The following DYNC2I1 variants were observed in gnomAD, a reference collection of about 807,000 sequenced individuals.
DYNC2I1 encodes the protein dynein 2 intermediate chain 1.
Under a neutral mutation model 133.4 loss-of-function variants are expected in DYNC2I1, and 89 were observed. The observed-to-expected ratio is 0.67, with a 90% CI of 0.56 to 0.80. The LOEUF is 0.80. Ranked by LOEUF, DYNC2I1 falls within the 30% of genes least tolerant of loss-of-function variation. The pLI is 0.00. For synonymous variants in DYNC2I1, 504 were observed against 484.3 expected, an observed-to-expected ratio of 1.04 and a Z score of -0.54; for missense variants, 1,291 against 1,314.5, an observed-to-expected ratio of 0.98 and a Z score of 0.28.
At chr7:158,898,478 T>C (rs1845940774) in intron 8 of DYNC2I1, among the ~76,000 whole-genome samples, 1 of 152,256 alleles carries the variant, frequency 6.6e-6, no homozygotes, top group African/African-American at 2.4e-5. Flanking sequence ...TTTATCATTG[T>C]GTAATGCCCT....
At chr7:158,912,721 C>T (rs1847609762) in intron 12 of DYNC2I1, among the ~76,000 whole-genome samples, 1 of 152,134 alleles carries the variant, frequency 6.6e-6, no homozygotes. Context: ...CCAGCATGTC[C>T]TAAGAAAATA....
rs183302365 is a variant in DYNC2I1, at chr7:158,879,531, A to G, written c.574-153A>G. On this transcript the variant is annotated intron_variant, in intron 4 of 24. Transcript: ENST00000407559. ...GTTTAGGGTGTAATGACAAGGAAAA[A>G]GTCTGTACATGTTTACTACAGACAC... Among the ~76,000 whole-genome samples the G allele has an allele frequency of 3.3e-5, 5 of 152,296 alleles. No individual in the cohort carries two copies. In the East Asian group the frequency reaches 7.7e-4, roughly 24 times the overall value.
chr7:158,940,115 G>T (rs1400795721), intron 23 of DYNC2I1, among the ~76,000 whole-genome samples: 1 of 152,192 alleles, frequency 6.6e-6, no homozygotes, highest in Non-Finnish European at 1.5e-5. Flanking sequence ...AGAAGCATCA[G>T]AGTTAAACTA....
chr7:158,941,632 A>G (rs539801496), intron 23 of DYNC2I1, among the ~76,000 whole-genome samples: 58 of 152,368 alleles, frequency 3.8e-4, no homozygotes, highest in African/African-American at 1.4e-3. Context: ...CTGTACTCCC[A>G]GCACTTTGGG....
upstream of DYNC2I1, among the ~76,000 whole-genome samples, chr7:158,851,932 T>A (rs1199315390): frequency 6.6e-6 from 1 of 152,204 alleles, no homozygotes; most frequent in African/African-American, 2.4e-5. Flanking sequence ...AAATTATTAA[T>A]GTTATTTATC....
chr7:158,951,400 G>A (rs1852048129), intron 4 of DYNC2I1, among the ~76,000 whole-genome samples: 1 of 152,266 alleles, frequency 6.6e-6, no homozygotes, highest in Non-Finnish European at 1.5e-5. Flanking sequence ...ACAAGTGGGA[G>A]TGAAGCAAAG....
upstream of DYNC2I1, among the ~76,000 whole-genome samples, chr7:158,852,695 C>T (rs1021788456): frequency 6.6e-6 from 1 of 152,076 alleles, no homozygotes; most frequent in Non-Finnish European, 1.5e-5. Context: ...GCTGAGATCG[C>T]GCCATTGCAT....
chr7:158,879,817 A>G lies in DYNC2I1; in HGVS notation c.707A>G (p.Lys236Arg). The G allele has an allele frequency of 1.9e-6, 3 of 1,613,278 alleles. No individual in the cohort carries two copies. The East Asian group carries it at 6.7e-5, about 36-fold the overall frequency. ...KHREKSSTREKREKYSKEKSN... is the reference protein window; with the variant it reads ...KHREKSSTRERREKYSKEKSN... ...CGAGAAAAAAGCAGCACAAGGGAAA[A>G]AAGAGAGAAATATTCCAAAGAGAAA... The change falls in exon 5 of 25, where the codon AAA (lysine) becomes AGA (arginine). Residue 236 changes from lysine (K) to arginine (R), a missense_variant. By Grantham distance (26) the Lys-to-Arg change is conservative. Coordinates refer to ENST00000407559, the MANE Select transcript of DYNC2I1 (RefSeq NM_018051.5).
intron 2 of DYNC2I1, among the ~76,000 whole-genome samples, chr7:158,870,882 GATCAGT>G (rs1563084438): frequency 6.6e-6 from 1 of 152,068 alleles, no homozygotes. Context: ...TTGATTTGCC[GATCAGT>G]GTGAATGTCC....
At chr7:158,899,950 TC>T (rs1363851083) in intron 8 of DYNC2I1, among the ~76,000 whole-genome samples, 1 of 152,160 alleles carries the variant, frequency 6.6e-6, no homozygotes, top group Non-Finnish European at 1.5e-5. Context: ...GGCAACAAAT[TC>T]CCTCAATTTT....
At chr7:158,957,813 CTT>C (rs1370475272), downstream of DYNC2I1, among the ~76,000 whole-genome samples, 1 of 152,140 alleles carries the variant, frequency 6.6e-6, no homozygotes, top group East Asian at 1.9e-4. Context: ...GGGCGTGTCA[CTT>C]TTTACACAAG....
downstream of DYNC2I1, among the ~76,000 whole-genome samples, chr7:158,947,754 G>A (rs1444372615): frequency 6.6e-6 from 1 of 152,194 alleles, no homozygotes; most frequent in South Asian, 2.1e-4. Context: ...CTCTGCCAGT[G>A]CCCAGGAGGT....
At chr7:158,839,976 TA>T in the DYNC2I1 span, among the ~76,000 whole-genome samples, 3 of 150,960 alleles carry the variant, frequency 2.0e-5, no homozygotes, top group South Asian at 2.1e-4. Context: ...CACACCCGGC[TA>T]ATTGAAAAAA....
chr7:158,867,055 C>G (rs1399577132), intron 1 of DYNC2I1, among the ~76,000 whole-genome samples: 4 of 140,482 alleles, frequency 2.8e-5, no homozygotes, highest in African/African-American at 8.1e-5. Flanking sequence ...CCCCCAAATG[C>G]TTCCTTTATT....
At chr7:158,940,939 C>T (rs1191550478) in intron 23 of DYNC2I1, among the ~76,000 whole-genome samples, 1 of 152,006 alleles carries the variant, frequency 6.6e-6, no homozygotes, top group Non-Finnish European at 1.5e-5. Flanking sequence ...AAAGCAAGAA[C>T]AAACCAAACT....
intron 4 of DYNC2I1, among the ~76,000 whole-genome samples, chr7:158,951,428 G>A (rs916868233): frequency 1.3e-5 from 2 of 152,350 alleles, no homozygotes; most frequent in East Asian, 1.9e-4. Flanking sequence ...GGGAGTCTGC[G>A]AGAGGCACAG....
At chr7:158,942,203 G>A in intron 24 of DYNC2I1, 55 bp downstream of exon 24, 3 of 1,394,004 alleles carry the variant, frequency 2.2e-6, no homozygotes, top group Non-Finnish European at 2.9e-6. Context: ...TCGGCCACGG[G>A]TGCCACTTAC....
At chr7:158,894,364 C>T (rs952309523) in intron 8 of DYNC2I1, among the ~76,000 whole-genome samples, 2 of 152,164 alleles carry the variant, frequency 1.3e-5, no homozygotes, top group African/African-American at 2.4e-5. Context: ...GTTTTGCTTT[C>T]TCAGCATTGT....
chr7:158,855,445 A>G (rs1841166222), upstream of DYNC2I1, among the ~76,000 whole-genome samples: 1 of 152,236 alleles, frequency 6.6e-6, no homozygotes, highest in South Asian at 2.1e-4. Flanking sequence ...AGGGAGGGTC[A>G]GAATATTGTA....
Sources: gnomAD v4.1 joint callset for allele counts (sites outside exome capture counted in the v4.1 genomes callset) on GRCh38, gnomAD v4.1.1 for gene constraint, MANE v1.5 for transcripts, NCBI Gene and HGNC (gene_info 2026-07-23, HGNC 2026-07-21) for gene names.